Variants in NISCH observed in about 807,000 individuals in gnomAD.
NISCH encodes the protein nischarin.
Under a neutral mutation model 138.4 loss-of-function variants are expected in NISCH, and 55 were observed. The observed-to-expected ratio is 0.40, with a 90% CI of 0.32 to 0.50. The LOEUF (loss-of-function observed/expected upper bound fraction) is 0.50. Ranked by LOEUF, NISCH falls within the 20% of genes least tolerant of loss-of-function variation. NISCH has a pLI of 0.71. For synonymous variants in NISCH, 860 were observed against 861.5 expected (o/e 1.00, Z 0.03); for missense variants, 1,643 against 2,005.5 (o/e 0.82, Z 3.45).
At chr3:52,480,964 C>A in intron 13 of NISCH, 1 of 1,494,606 alleles carries the variant, frequency 6.7e-7, no homozygotes, top group Non-Finnish European at 8.9e-7. Context: ...GGTGTGCCGT[C>A]CCGAGTGGAG....
intron 16 of NISCH, 106 bp downstream of exon 16, chr3:52,488,711 G>GCCCCCTCCCCCCCTGCCCCTCGC (rs1707479273): frequency 3.0e-6 from 3 of 994,762 alleles, no homozygotes; most frequent in Non-Finnish European, 4.3e-6. Flanking sequence ...CGAGAGCTGG[G>GCCCCCTCCCCCCCTGCCCCTCGC]CCCCCTCCCC....
chr3:52,467,997 C>T (rs892155929), intron 3 of NISCH, among the ~76,000 whole-genome samples: 1 of 152,222 alleles, frequency 6.6e-6, no homozygotes, highest in Non-Finnish European at 1.5e-5. Context: ...TGGTGGCTCA[C>T]GCCTGTAATC....
chr3:52,458,919 G>A, intron 3 of NISCH, 75 bp downstream of exon 3: 3 of 1,364,820 alleles, frequency 2.2e-6, no homozygotes, highest in African/African-American at 2.9e-5. Context: ...AACCAGGGGA[G>A]ACCTCAGCTT....
rs569261576 is a variant in NISCH, at chr3:52,470,964, G to A, written c.409+57G>A. On this transcript the variant is annotated intron_variant, in intron 4 of 20. Coordinates refer to ENST00000345716, the MANE Select transcript of NISCH (RefSeq NM_007184.4). ...CATAAGTTGTGTAGTTTTATGAGGC[G>A]GCCAGAGGCACAGGATGGCATAGAA... 31 of 1,576,962 alleles carry A rather than the reference G, an allele frequency of 2.0e-5. No individual in the cohort carries two copies. In the South Asian group the frequency reaches 2.5e-4, roughly 13 times the overall value.
chr3:52,486,207 T>G (rs1287042028), intron 15 of NISCH, among the ~76,000 whole-genome samples: 1 of 151,870 alleles, frequency 6.6e-6, no homozygotes, highest in African/African-American at 2.4e-5. Context: ...CCTCCCAGAT[T>G]AATGCAATTT....
intron 3 of NISCH, among the ~76,000 whole-genome samples, chr3:52,461,497 T>C (rs1301434103): frequency 6.6e-6 from 1 of 152,190 alleles, no homozygotes; most frequent in East Asian, 1.9e-4. Flanking sequence ...TATACTTTCT[T>C]ATGTGAGAAA....
chr3:52,491,596 C>G, intron 20 of NISCH, 83 bp downstream of exon 20: 1 of 1,413,496 alleles, frequency 7.1e-7, no homozygotes, highest in East Asian at 2.4e-5. Flanking sequence ...GCCCCAGAAC[C>G]CTCTCTGCCT....
At chr3:52,489,773 C>G (rs988491327) in intron 17 of NISCH, 95 bp downstream of exon 17, 2 of 1,521,606 alleles carry the variant, frequency 1.3e-6, no homozygotes, top group Non-Finnish European at 1.8e-6. Context: ...CCTGGACTTC[C>G]CTGATGTCGG....
intron 13 of NISCH, chr3:52,481,057 C>T (rs1163856437): frequency 7.5e-7 from 1 of 1,333,068 alleles, no homozygotes; most frequent in East Asian, 2.9e-5. Context: ...CTTGGGAAAA[C>T]AGTTCAACCC....
At position 52,490,801 on chromosome 3, in the gene NISCH, T is replaced by C; in HGVS notation, c.3710T>C (p.Val1237Ala). The C allele has an allele frequency of 1.9e-6, 3 of 1,614,170 alleles. No homozygotes were observed. The highest frequency in any genetic ancestry group is 2.2e-5 in the East Asian group (1 of 44,892). The change falls in exon 19 of 21, where the codon GTG becomes GCG. Residue 1237 changes from valine to alanine, a missense_variant. Physicochemically the swap from Val to Ala is moderately conservative, Grantham distance 64. Coordinates refer to ENST00000345716, the MANE Select transcript of NISCH (RefSeq NM_007184.4). ...CTTAGTGACCTGCAGTCAGTCAATG[T>C]GGGGCTTTTCGACCAGCATTTCCGG... is the stretch of plus-strand genomic sequence containing the variant. Reference protein sequence around the residue: ...LKLSDLQSVNVGLFDQHFRLT... With the variant: ...LKLSDLQSVNAGLFDQHFRLT...
Position 52,487,447 on chromosome 3 carries a change from A to G in NISCH, c.1955A>G (p.Asn652Ser). Residue 652 changes from asparagine (N) to serine (S), a missense_variant, in exon 16 of 21, where the codon AAC (asparagine) becomes AGC (serine). Asn to Ser is a conservative substitution (Grantham distance 46). Coordinates refer to ENST00000345716, the MANE Select transcript of NISCH (RefSeq NM_007184.4). This position sits in a 1 kb window ranked among gnomAD's most constrained non-coding sequence, Gnocchi z 9.1. ...GAAGAAGAGGAGGACGTGGCTGAGA[A>G]CCGCTACTTTGAAATGGGGCCCCCA... ...EEEEEEDVAE[N>S]RYFEMGPPDV... 1 of 1,607,000 alleles carries G rather than the reference A, an allele frequency of 6.2e-7. No individual in the cohort carries two copies. The highest frequency in any genetic ancestry group is 8.5e-7 in the Non-Finnish European group (1 of 1,174,804).
intron 8 of NISCH, 28 bp downstream of exon 8, chr3:52,476,627 G>A: frequency 6.2e-7 from 1 of 1,612,014 alleles, no homozygotes; most frequent in Non-Finnish European, 8.5e-7. Context: ...GGTGCCAGGG[G>A]TTTCTCTGGC....
intron 15 of NISCH, among the ~76,000 whole-genome samples, chr3:52,486,802 G>A (rs1320954629): frequency 6.6e-6 from 1 of 152,188 alleles, no homozygotes; most frequent in African/African-American, 2.4e-5. Flanking sequence ...CCACTTCCCT[G>A]CCCCGGAGGC....
chr3:52,490,261 G>C (rs1578314911), intron 18 of NISCH, 30 bp downstream of exon 18: 1 of 1,607,488 alleles, frequency 6.2e-7, no homozygotes, highest in South Asian at 1.1e-5. Flanking sequence ...GGGCTCAGGA[G>C]CTTGGAGTGT....
At chr3:52,458,096 G>A (rs897754539) in intron 2 of NISCH, among the ~76,000 whole-genome samples, 170 bp downstream of exon 2, 4 of 152,248 alleles carry the variant, frequency 2.6e-5, no homozygotes, top group Non-Finnish European at 5.9e-5. Flanking sequence ...GTAAATGCTA[G>A]CCTTCAGCTC....
chr3:52,470,889 G>A lies in NISCH; in HGVS notation c.391G>A (p.Glu131Lys). Reference protein sequence around the residue: ...EINGITAALAEELFEKGEQLL... With the variant: ...EINGITAALAKELFEKGEQLL... The stretch of plus-strand genomic sequence containing the variant: ...AAATGGCATCACCGCGGCACTGGCT[G>A]AAGAGCTCTTTGAGAAAGGTATGTG... Residue 131 changes from glutamate to lysine, a missense_variant, in exon 4 of 21, where the codon GAA becomes AAA. Glu to Lys is a moderately conservative substitution (Grantham distance 56). Coordinates refer to ENST00000345716, the MANE Select transcript of NISCH (RefSeq NM_007184.4). 6.2e-7 allele frequency: 1 copy of A among 1,614,158 alleles called. No individual in the cohort carries two copies. Among genetic ancestry groups the A allele is most frequent in the Non-Finnish European group, 8.5e-7 (1 of 1,180,036 alleles).
Position 52,488,377 on chromosome 3 carries a change from C to G in NISCH, c.2885C>G (p.Pro962Arg), listed in dbSNP as rs1183766915. The change falls in exon 16 of 21, where the codon CCT becomes CGT. Residue 962 changes from proline (P) to arginine (R), a missense_variant. By Grantham distance (103) the Pro-to-Arg change is moderately radical. Coordinates refer to ENST00000345716, the MANE Select transcript of NISCH (RefSeq NM_007184.4). ...GACCCCACACGCAGCTGTACCCAGCCTCGGGGCGCCTTTGCTGATGGCCAC... is the reference window on the plus strand; with the variant it reads ...GACCCCACACGCAGCTGTACCCAGCGTCGGGGCGCCTTTGCTGATGGCCAC... ...LLDPTRSCTQ[P>R]RGAFADGHVL... The G allele has an allele frequency of 6.2e-7, 1 of 1,613,718 alleles. No individual in the cohort carries two copies. Among genetic ancestry groups the G allele is most frequent in the Non-Finnish European group, 8.5e-7 (1 of 1,180,014 alleles).
Position 52,492,173 on chromosome 3 carries a change from A to T in NISCH, c.4206A>T (p.Arg1402Ser). 4.3e-6 allele frequency: 7 copies of T among 1,613,114 alleles called. No homozygotes were observed. Among genetic ancestry groups the T allele is most frequent in the Non-Finnish European group, 5.9e-6 (7 of 1,180,020 alleles). Residue 1402 changes from arginine to serine, a missense_variant, in exon 21 of 21, where the codon AGA (arginine) becomes AGT (serine). Transcript: ENST00000345716. ...AGTTTGCCAAAGAGCCGCCGCAGAG[A>T]GACAGGTACCGGCTGGACGATGGCC... ...LPEFAKEPPQ[R>S]DRYRLDDGRR...
rs1707508903 is a variant in NISCH, at chr3:52,489,631, C to T, written c.3409C>T (p.Leu1137=). 5 of 1,612,830 alleles carry T rather than the reference C, an allele frequency of 3.1e-6. No homozygotes were observed. Among genetic ancestry groups the T allele is most frequent in the Non-Finnish European group, 4.2e-6 (5 of 1,179,946 alleles). Residue 1137 remains leucine, a synonymous_variant, in exon 17 of 21, where the codon CTG becomes TTG. Coordinates refer to ENST00000345716, the MANE Select transcript of NISCH (RefSeq NM_007184.4). Reference sequence around the variant, plus strand: ...CCCGTCGCTCCGGCACGTCGCCAGCCTGCGGGGCAGCGCCATCATCGAGCT... The same window carrying T: ...CCCGTCGCTCCGGCACGTCGCCAGCTTGCGGGGCAGCGCCATCATCGAGCT... The part of the protein sequence containing the change: ...ACPSLRHVAS[L]RGSAIIELFH...
Sources: allele counts gnomAD v4.1 joint callset (sites outside exome capture counted in the v4.1 genomes callset), GRCh38; gene constraint gnomAD v4.1.1; non-coding constraint Gnocchi (gnomAD v3.1); transcripts MANE v1.5; gene names NCBI Gene and HGNC (gene_info 2026-07-23, HGNC 2026-07-21).